TENM3: variants seen among roughly 807,000 people sequenced by gnomAD.
TENM3 encodes teneurin transmembrane protein 3.
Under a neutral mutation model 255.1 loss-of-function variants are expected in TENM3, and 63 were observed. That is an observed-to-expected ratio of 0.25 (90% CI 0.20 to 0.30). The LOEUF is 0.30. TENM3 is among the 10% of genes least tolerant of loss of function. The pLI is 1.00. For synonymous variants in TENM3, 1,306 were observed against 1,322.3 expected (o/e 0.99, Z 0.27); for missense variants, 2,929 against 3,461.1 (o/e 0.85, Z 3.86).
At chr4:181,763,674 G>C in the TENM3 span, among the ~76,000 whole-genome samples, 1 of 152,150 alleles carries the variant, frequency 6.6e-6, no homozygotes, top group African/African-American at 2.4e-5. Context: ...TGTATGCCTT[G>C]CAAAGCCTAA....
the TENM3 span, among the ~76,000 whole-genome samples, chr4:181,879,112 A>G: frequency 3.3e-5 from 5 of 152,196 alleles, no homozygotes; most frequent in Non-Finnish European, 7.3e-5. Flanking sequence ...TCTGGCATAG[A>G]AGAGCAAGAC....
the TENM3 span, among the ~76,000 whole-genome samples, chr4:181,606,945 T>C: frequency 1.3e-5 from 2 of 152,056 alleles, no homozygotes; most frequent in African/African-American, 4.8e-5. Context: ...TGGCTGAGAA[T>C]AGTGGAGAGA....
At chr4:181,503,713 C>T in the TENM3 span, among the ~76,000 whole-genome samples, 8 of 152,306 alleles carry the variant, frequency 5.3e-5, no homozygotes, top group East Asian at 1.5e-3. Context: ...ACTTTCTCTG[C>T]TCAAAGTTAG....
chr4:181,727,207 AC>A, the TENM3 span, among the ~76,000 whole-genome samples: 7,847 of 152,202 alleles, frequency 0.052, 259 homozygotes, highest in Middle Eastern at 0.15. Context: ...AAAAGTTCCA[AC>A]CCTTTGAGCA....
At chr4:181,767,145 G>A in the TENM3 span, among the ~76,000 whole-genome samples, 2 of 148,034 alleles carry the variant, frequency 1.4e-5, no homozygotes, top group Non-Finnish European at 3.0e-5. Context: ...CCAGCTACTC[G>A]GGAGGCTGAG....
At chr4:181,689,129 G>C in the TENM3 span, among the ~76,000 whole-genome samples, 1 of 152,224 alleles carries the variant, frequency 6.6e-6, no homozygotes, top group Non-Finnish European at 1.5e-5. Context: ...TGCAGGCGAT[G>C]ACGCCGCCCC....
intron 1 of TENM3, among the ~76,000 whole-genome samples, chr4:182,277,683 G>C (rs1760098830): frequency 6.6e-6 from 1 of 152,168 alleles, no homozygotes; most frequent in South Asian, 2.1e-4. Flanking sequence ...GACAAAATAG[G>C]ATAGAGTCCC....
the TENM3 span, among the ~76,000 whole-genome samples, chr4:181,907,053 G>A: frequency 9.7e-4 from 148 of 151,958 alleles, 1 homozygote; most frequent in South Asian, 8.1e-3. Context: ...ACATGCCACC[G>A]CACTCTATTT....
At chr4:182,549,002 G>GT (rs1462881990) in intron 3 of TENM3, among the ~76,000 whole-genome samples, 6 of 152,144 alleles carry the variant, frequency 3.9e-5, no homozygotes, top group African/African-American at 7.2e-5. Flanking sequence ...AGATGATGTG[G>GT]TTTTTTTCTC....
chr4:182,069,465 C>A, the TENM3 span, among the ~76,000 whole-genome samples: 1 of 152,052 alleles, frequency 6.6e-6, no homozygotes, highest in Non-Finnish European at 1.5e-5. Context: ...TTCCTTCTAG[C>A]CCCCTTCTAC....
chr4:181,646,110 C>T, the TENM3 span, among the ~76,000 whole-genome samples: 1 of 152,188 alleles, frequency 6.6e-6, no homozygotes, highest in African/African-American at 2.4e-5. Flanking sequence ...CAGTGCAACA[C>T]AAAGATAAAA....
chr4:182,793,786 T>C lies in TENM3; in HGVS notation c.7114T>C (p.Trp2372Arg), dbSNP rs1239998083. Reference sequence around the variant, plus strand: ...GTGGACAACACCTGACATAGAAATCTGGAAAAGAATTGGGAAGGACCCAGC... The same window carrying C: ...GTGGACAACACCTGACATAGAAATCCGGAAAAGAATTGGGAAGGACCCAGC... ...GRWTTPDIEI[W>R]KRIGKDPAPF... Residue 2372 changes from tryptophan to arginine, a missense_variant, in exon 26 of 28, where the codon TGG becomes CGG. Physicochemically the swap from Trp to Arg is moderately radical, Grantham distance 101 (BLOSUM62 -3). Coordinates refer to ENST00000511685, the MANE Select transcript of TENM3 (RefSeq NM_001080477.4). The surrounding 1 kb of genome is among the most constrained non-coding windows in gnomAD (Gnocchi z 5.7). The C allele has an allele frequency of 1.2e-6, 2 of 1,613,832 alleles. No homozygotes were observed. Among genetic ancestry groups the C allele is most frequent in the African/African-American group, 2.7e-5 (2 of 74,922 alleles).
At chr4:181,902,948 G>A in the TENM3 span, among the ~76,000 whole-genome samples, 11 of 152,246 alleles carry the variant, frequency 7.2e-5, no homozygotes, top group East Asian at 7.7e-4. Flanking sequence ...ATTTAAGTAC[G>A]TTGTGTTTTA....
At chr4:182,797,894 A>G (rs571211082) in intron 27 of TENM3, among the ~76,000 whole-genome samples, 1 of 152,312 alleles carries the variant, frequency 6.6e-6, no homozygotes, top group East Asian at 1.9e-4. Context: ...CAGTACCAGT[A>G]CCTGTTTTTT....
chr4:181,588,656 T>A, the TENM3 span, among the ~76,000 whole-genome samples: 1 of 151,966 alleles, frequency 6.6e-6, no homozygotes, highest in Non-Finnish European at 1.5e-5. Flanking sequence ...TTTAACAGTT[T>A]GTTGAATTTT....
the TENM3 span, among the ~76,000 whole-genome samples, chr4:181,952,531 G>A: frequency 1.3e-5 from 2 of 152,216 alleles, no homozygotes; most frequent in Non-Finnish European, 2.9e-5. Context: ...GTTGTAAAGT[G>A]ATAGACACCA....
chr4:182,784,064 A>G (rs1446145507), intron 24 of TENM3, among the ~76,000 whole-genome samples: 4 of 152,210 alleles, frequency 2.6e-5, no homozygotes, highest in Non-Finnish European at 5.9e-5. Context: ...CTCGTCAGTC[A>G]TTCTCCATCC....
In TENM3 at chr4:182,792,413, T is replaced by C. The variant is rs1561260444; in HGVS notation, c.5741T>C (p.Ile1914Thr). The change falls in exon 26 of 28, where the codon ATA becomes ACA. Residue 1914 changes from isoleucine to threonine, a missense_variant. Physicochemically the swap from Ile to Thr is moderately conservative, Grantham distance 89. Coordinates refer to ENST00000511685, the MANE Select transcript of TENM3 (RefSeq NM_001080477.4). The surrounding 1 kb of genome is among the most constrained non-coding windows in gnomAD (Gnocchi z 6.3). ...CGATCCATTGGCTACTACCGCAACA[T>C]ATACAACCCCCCGGAAAGCAACGCC... ...TIRSIGYYRN[I>T]YNPPESNASI... is the part of the protein sequence containing the mutation. The C allele has an allele frequency of 6.2e-7, 1 of 1,613,982 alleles. No homozygotes were observed. The highest frequency in any genetic ancestry group is 8.5e-7 in the Non-Finnish European group (1 of 1,179,894).
the TENM3 span, among the ~76,000 whole-genome samples, chr4:181,991,879 T>C: frequency 6.6e-6 from 1 of 152,092 alleles, no homozygotes; most frequent in African/African-American, 2.4e-5. Context: ...GAAATTAACT[T>C]TTGTAGACTA....
Sources: allele counts gnomAD v4.1 joint callset (sites outside exome capture counted in the v4.1 genomes callset), GRCh38; gene constraint gnomAD v4.1.1; non-coding constraint Gnocchi (gnomAD v3.1); transcripts MANE v1.5; gene names NCBI Gene and HGNC (gene_info 2026-07-23, HGNC 2026-07-21).